The following DLGAP2 variants were observed in gnomAD, a reference collection of about 807,000 sequenced individuals.
DLGAP2 encodes the protein DLG associated protein 2.
In DLGAP2, 26 loss-of-function variants were observed where a neutral mutation model predicts 100.3. That is an observed-to-expected ratio of 0.26 (90% CI 0.19 to 0.36). The LOEUF (loss-of-function observed/expected upper bound fraction) is 0.36. Ranked by LOEUF, DLGAP2 falls within the 10% of genes least tolerant of loss-of-function variation. The probability of loss-of-function intolerance (pLI) is 1.00; values close to 1 mark genes in which losing one functional copy is unlikely to be tolerated. For synonymous variants in DLGAP2, 886 were observed against 630.1 expected, an observed-to-expected ratio of 1.41 and a Z score of -6.08; for missense variants, 1,858 against 1,453.2, an observed-to-expected ratio of 1.28 and a Z score of -4.53.
At chr8:1,156,717 G>C (rs1352310429) in intron 2 of DLGAP2, among the ~76,000 whole-genome samples, 1 of 151,186 alleles carries the variant, frequency 6.6e-6, no homozygotes, top group Admixed American at 6.6e-5. Context: ...TCAGCGACCC[G>C]GCTCAGCACC....
intron 2 of DLGAP2, among the ~76,000 whole-genome samples, chr8:1,138,196 C>T (rs937181115): frequency 9.9e-5 from 15 of 152,220 alleles, no homozygotes; most frequent in Admixed American, 3.3e-4. Context: ...CTTTGGAAAG[C>T]GCAGCTCCTG....
rs1180907962 is a variant in DLGAP2, at chr8:1,452,584, G to C, written c.107-48782G>C. On this transcript the variant is annotated intron_variant, in intron 3 of 14. Transcript: ENST00000637795. ...GCCCGGCTTAAATTGCCAGGCAAAG[G>C]GTGGAGGCAGGACACAGGGAAGAGG... Among the ~76,000 whole-genome samples, 3 of 152,210 alleles carry C rather than the reference G, an allele frequency of 2.0e-5. 1 individual carries two copies. Among genetic ancestry groups the C allele is most frequent in the African/African-American group, 4.8e-5 (2 of 41,468 alleles).
At chr8:802,144 A>ACAGTC (rs1796176883) in intron 1 of DLGAP2, among the ~76,000 whole-genome samples, 1 of 146,526 alleles carries the variant, frequency 6.8e-6, no homozygotes, top group East Asian at 2.3e-4. Flanking sequence ...GGCCTGGGGA[A>ACAGTC]TGGTCCGCAC....
intron 1 of DLGAP2, among the ~76,000 whole-genome samples, chr8:863,424 A>C (rs1480988314): frequency 2.0e-5 from 3 of 152,180 alleles, no homozygotes; most frequent in Non-Finnish European, 2.9e-5. Flanking sequence ...CTCCATTCTC[A>C]TTTCTGTGTA....
Position 1,687,427 on chromosome 8 carries a change from A to G in DLGAP2, c.2705-4108A>G, listed in dbSNP as rs1471713285. Among the ~76,000 whole-genome samples the G allele has an allele frequency of 2.0e-5, 3 of 152,362 alleles. No individual in the cohort carries two copies. The East Asian group carries it at 5.8e-4, about 29-fold the overall frequency. The stretch of plus-strand genomic sequence containing the variant: ...TCTAAACTATGGCAAAATTAGAGAC[A>G]TATACTGGGAGAGAATAAATTGAAT... On this transcript the variant is annotated intron_variant, in intron 12 of 14. Coordinates refer to ENST00000637795, the MANE Select transcript of DLGAP2 (RefSeq NM_001346810.2).
At chr8:1,155,556 G>A (rs1796766678) in intron 2 of DLGAP2, among the ~76,000 whole-genome samples, 1 of 152,212 alleles carries the variant, frequency 6.6e-6, no homozygotes, top group Non-Finnish European at 1.5e-5. Flanking sequence ...TGTGTGATGT[G>A]TGATGTGTGG....
chr8:781,895 G>T (rs1585856870), intron 1 of DLGAP2, among the ~76,000 whole-genome samples: 2 of 152,206 alleles, frequency 1.3e-5, no homozygotes, highest in Admixed American at 1.3e-4. Context: ...GTGCATTTAG[G>T]AGATAGGATA....
At chr8:1,417,105 G>C (rs113410823) in intron 3 of DLGAP2, among the ~76,000 whole-genome samples, 31,296 of 118,004 alleles carry the variant, frequency 0.27, 4,855 homozygotes, top group South Asian at 0.33. Context: ...GGGGGGGTGG[G>C]GGGGAGACCC....
intron 1 of DLGAP2, among the ~76,000 whole-genome samples, chr8:881,874 T>C (rs933870860): frequency 1.3e-5 from 2 of 152,044 alleles, no homozygotes; most frequent in African/African-American, 2.4e-5. Context: ...AAATAAACCG[T>C]GAAGTGTCAC....
intron 8 of DLGAP2, among the ~76,000 whole-genome samples, chr8:1,665,175 T>G (rs1798512635): frequency 6.6e-6 from 1 of 152,170 alleles, no homozygotes; most frequent in Non-Finnish European, 1.5e-5. Context: ...TTACGAGATA[T>G]TCCATACAAG....
In DLGAP2 at chr8:1,198,223, C is replaced by G. The variant is rs1057153694; in HGVS notation, c.74-60628C>G. Among the ~76,000 whole-genome samples, 6 of 152,188 alleles carry G rather than the reference C, an allele frequency of 3.9e-5. No individual in the cohort carries two copies. In the South Asian group the frequency reaches 8.3e-4, roughly 21 times the overall value. On this transcript the variant is annotated intron_variant, in intron 2 of 14. Transcript: ENST00000637795. ...AGCAATTTCCTTGAGGATTCCAGCT[C>G]CTCACCCCCATTAACAAGCTGCACA...
intron 3 of DLGAP2, among the ~76,000 whole-genome samples, chr8:1,274,792 G>A (rs1473158275): frequency 7.0e-6 from 1 of 143,084 alleles, no homozygotes; most frequent in Admixed American, 7.3e-5. Flanking sequence ...TGGATGTTTG[G>A]TATATAATTC....
intron 2 of DLGAP2, among the ~76,000 whole-genome samples, chr8:1,187,709 T>G (rs1292635575): frequency 1.5e-4 from 22 of 146,144 alleles, no homozygotes; most frequent in African/African-American, 5.7e-4. Flanking sequence ...TCTGTGACGT[T>G]TCCCTCACGG....
intron 3 of DLGAP2, among the ~76,000 whole-genome samples, chr8:1,306,715 C>A (rs1314505238): frequency 1.3e-5 from 2 of 152,100 alleles, no homozygotes; most frequent in Non-Finnish European, 2.9e-5. Context: ...ACTAATGGAA[C>A]AGAATAGAGA....
chr8:756,326 C>T (rs1002385337), intron 1 of DLGAP2, among the ~76,000 whole-genome samples: 9 of 152,034 alleles, frequency 5.9e-5, no homozygotes, highest in African/African-American at 9.7e-5. Flanking sequence ...TTGGGGCTGA[C>T]GGCAAAGACG....
intron 3 of DLGAP2, among the ~76,000 whole-genome samples, chr8:1,436,644 T>C (rs1797638333): frequency 6.6e-6 from 1 of 152,294 alleles, no homozygotes; most frequent in East Asian, 1.9e-4. Context: ...GAAAATTGAA[T>C]GTAGCCCAAG....
chr8:744,696 C>T (rs947332769), intron 1 of DLGAP2, among the ~76,000 whole-genome samples: 3 of 152,000 alleles, frequency 2.0e-5, no homozygotes, highest in African/African-American at 4.8e-5. Context: ...GTCGCCCTCC[C>T]GGGGTGCTGG....
At chr8:1,558,619 CAT>C (rs1409825421) in intron 5 of DLGAP2, among the ~76,000 whole-genome samples, 1 of 151,780 alleles carries the variant, frequency 6.6e-6, no homozygotes, top group Non-Finnish European at 1.5e-5. Flanking sequence ...TGCACACACA[CAT>C]ACACATATGT....
At chr8:1,073,581 G>A (rs1423951134) in intron 2 of DLGAP2, among the ~76,000 whole-genome samples, 1 of 152,178 alleles carries the variant, frequency 6.6e-6, no homozygotes, top group Non-Finnish European at 1.5e-5. Flanking sequence ...TTTCTTAGAA[G>A]CACTGTGTCA....
Sources: gnomAD v4.1 joint callset for allele counts (sites outside exome capture counted in the v4.1 genomes callset) on GRCh38, gnomAD v4.1.1 for gene constraint, MANE v1.5 for transcripts, NCBI Gene and HGNC (gene_info 2026-07-23, HGNC 2026-07-21) for gene names.